The following NTRK2 variants were observed in gnomAD, a reference collection of about 807,000 sequenced individuals.
NTRK2 encodes the protein neurotrophic receptor tyrosine kinase 2, also known as BDNF/NT-3 growth factors receptor.
Under a neutral mutation model 94.5 loss-of-function variants are expected in NTRK2, and 13 were observed. That is an observed-to-expected ratio of 0.14 (90% CI 0.09 to 0.22). NTRK2 has a LOEUF of 0.22. Ranked by LOEUF, NTRK2 falls within the 10% of genes least tolerant of loss-of-function variation. NTRK2 has a pLI of 1.00. For synonymous variants in NTRK2, 372 were observed against 407.4 expected, an observed-to-expected ratio of 0.91 and a Z score of 1.05; for missense variants, 639 against 1,071.2, an observed-to-expected ratio of 0.60 and a Z score of 5.63.
In NTRK2 at chr9:84,838,979, G is replaced by T. The variant is rs1016696168; in HGVS notation, c.1397-22061G>T. Among the ~76,000 whole-genome samples the T allele has an allele frequency of 2.7e-4, 41 of 152,016 alleles. 1 individual carries two copies. Among genetic ancestry groups the T allele is most frequent in the Non-Finnish European group, 2.9e-4 (20 of 68,004 alleles). On this transcript the variant is annotated intron_variant, in intron 12 of 18. Coordinates refer to ENST00000277120, the MANE Select transcript of NTRK2 (RefSeq NM_006180.6). ...AGGGAATGCCAAGATGTGCACAAAG[G>T]CCTTGGGAGGTGAAATAACATCCAT...
chr9:84,784,232 T>A (rs1482440139), intron 12 of NTRK2, among the ~76,000 whole-genome samples: 1 of 152,160 alleles, frequency 6.6e-6, no homozygotes, highest in Non-Finnish European at 1.5e-5. Context: ...GAAATAATAA[T>A]TGTGCATATT....
rs187161728 is a variant in NTRK2, at chr9:84,895,028, C to T, written c.1633+27597C>T. Among the ~76,000 whole-genome samples, 184 of 152,194 alleles carry T rather than the reference C, an allele frequency of 1.2e-3. 1 individual carries two copies. Among genetic ancestry groups the T allele is most frequent in the African/African-American group, 4.3e-3 (178 of 41,532 alleles). On this transcript the variant is annotated intron_variant, in intron 14 of 18. Transcript: ENST00000277120. ...ATAATAGGGCAACCTGAAACAATAA[C>T]CTATACAGCTTACCATATTCAGGAC...
intron 12 of NTRK2, among the ~76,000 whole-genome samples, chr9:84,775,393 T>G (rs1176311119): frequency 6.6e-6 from 1 of 152,210 alleles, no homozygotes; most frequent in Non-Finnish European, 1.5e-5. Flanking sequence ...CATATTATTT[T>G]CCCTGTTATG....
At chr9:84,771,864 CA>C (rs1485991895) in intron 12 of NTRK2, among the ~76,000 whole-genome samples, 16 of 152,166 alleles carry the variant, frequency 1.1e-4, no homozygotes, top group African/African-American at 3.1e-4. Flanking sequence ...ATCTGAGGGC[CA>C]CTTCGGGGTA....
At chr9:84,927,220 C>T (rs1195178798) in intron 14 of NTRK2, among the ~76,000 whole-genome samples, 1 of 152,242 alleles carries the variant, frequency 6.6e-6, no homozygotes, top group Non-Finnish European at 1.5e-5. Flanking sequence ...TTAATAACCA[C>T]TGAGGACCCA....
At chr9:84,786,909 T>C (rs2068172238) in intron 12 of NTRK2, among the ~76,000 whole-genome samples, 1 of 152,222 alleles carries the variant, frequency 6.6e-6, no homozygotes, top group South Asian at 2.1e-4. Context: ...GACATTTTAT[T>C]GTCCTTGAAC....
chr9:84,970,020 C>A (rs1347381412), intron 17 of NTRK2, among the ~76,000 whole-genome samples: 1 of 152,164 alleles, frequency 6.6e-6, no homozygotes, highest in Non-Finnish European at 1.5e-5. Flanking sequence ...GGTTCAAATT[C>A]CAGCTCCACC....
intron 14 of NTRK2, among the ~76,000 whole-genome samples, chr9:84,898,768 T>A (rs1196526682): frequency 6.6e-6 from 1 of 152,044 alleles, no homozygotes; most frequent in Non-Finnish European, 1.5e-5. Flanking sequence ...AATGGTGCAA[T>A]CTTGGCTCAC....
At chr9:84,722,264 G>T (rs1216820399) in intron 6 of NTRK2, among the ~76,000 whole-genome samples, 1 of 145,152 alleles carries the variant, frequency 6.9e-6, no homozygotes, top group Non-Finnish European at 1.5e-5. Context: ...GGTCTCACTA[G>T]CCCCTGAAAG....
intron 14 of NTRK2, chr9:84,876,209 G>A (rs2076061049): frequency 7.7e-6 from 8 of 1,041,320 alleles, no homozygotes; most frequent in Non-Finnish European, 9.3e-6. Context: ...CCAATAAAGT[G>A]GTTGATATAG....
intron 12 of NTRK2, among the ~76,000 whole-genome samples, chr9:84,804,369 G>C (rs1346356068): frequency 1.3e-5 from 2 of 152,046 alleles, no homozygotes; most frequent in African/African-American, 4.8e-5. Flanking sequence ...CACAGGCACT[G>C]GCTGACCTAT....
chr9:84,897,246 C>A (rs1035944002), intron 14 of NTRK2, among the ~76,000 whole-genome samples: 1 of 152,204 alleles, frequency 6.6e-6, no homozygotes, highest in African/African-American at 2.4e-5. Context: ...AAGTGATTCT[C>A]CTGCCTCAGC....
chr9:84,970,414 G>GCAA (rs1487774143), intron 17 of NTRK2, among the ~76,000 whole-genome samples: 2 of 151,448 alleles, frequency 1.3e-5, no homozygotes. Flanking sequence ...ATAAAAAATG[G>GCAA]CAATAATAAT....
chr9:84,755,379 A>C (rs1457973979), intron 12 of NTRK2, among the ~76,000 whole-genome samples: 1 of 152,220 alleles, frequency 6.6e-6, no homozygotes, highest in East Asian at 1.9e-4. Flanking sequence ...TATTAACGAC[A>C]GAATGATCAG....
intron 12 of NTRK2, chr9:84,814,496 T>C (rs2072170062): frequency 9.4e-7 from 1 of 1,066,088 alleles, no homozygotes; most frequent in African/African-American, 1.6e-5. Context: ...ACTGAGAATT[T>C]ATTTTTGTTT....
Position 85,022,475 on chromosome 9 carries a change from C to T in NTRK2, c.*1038C>T, listed in dbSNP as rs200794178. 3.9e-5 allele frequency: 9 copies of T among 233,178 alleles called. No homozygotes were observed. The highest frequency in any genetic ancestry group is 3.6e-4 in the East Asian group (6 of 16,578). The allele number at this position is 233,178 out of a possible 1,614,324, so 14.4% of individuals were successfully genotyped here. Reference sequence around the variant, plus strand: ...GTGGATTCATGTCCAGAGCTCATTTCGGGGTCAGGTGGGAAAGCCAAGAAC... The same window carrying T: ...GTGGATTCATGTCCAGAGCTCATTTTGGGGTCAGGTGGGAAAGCCAAGAAC... On this transcript the variant is annotated 3_prime_UTR_variant, in exon 19 of 19. Coordinates refer to ENST00000277120, the MANE Select transcript of NTRK2 (RefSeq NM_006180.6).
At chr9:85,020,493 C>A in intron 18 of NTRK2, 129 bp downstream of exon 18, 1 of 917,138 alleles carries the variant, frequency 1.1e-6, no homozygotes, top group Non-Finnish European at 1.8e-6. Flanking sequence ...GGTGGCAGCA[C>A]TTCCCAAGTA....
Position 84,745,827 on chromosome 9 carries a change from C to T in NTRK2, c.1296+754C>T, listed in dbSNP as rs867388786. Among the ~76,000 whole-genome samples, 9 of 152,160 alleles carry T rather than the reference C, an allele frequency of 5.9e-5. No homozygotes were observed. The South Asian group carries it at 1.9e-3, about 32-fold the overall frequency. ...CAGGGTTGGAGATAAAGATTGTGGC[C>T]AGGTTGTAGGTCTTGACACAGAGTC... On this transcript the variant is annotated intron_variant, in intron 11 of 18. Coordinates refer to ENST00000277120, the MANE Select transcript of NTRK2 (RefSeq NM_006180.6).
At chr9:84,810,831 A>C in intron 12 of NTRK2, 1 of 1,346,594 alleles carries the variant, frequency 7.4e-7, no homozygotes, top group Middle Eastern at 2.8e-4. Context: ...AAACATGTTA[A>C]ATTAATGCTT....
Sources: allele counts gnomAD v4.1 joint callset (sites outside exome capture counted in the v4.1 genomes callset), GRCh38; gene constraint gnomAD v4.1.1; transcripts MANE v1.5; gene names NCBI Gene and HGNC (gene_info 2026-07-23, HGNC 2026-07-21).